The following SHANK1 variants were observed in gnomAD, a reference collection of about 807,000 sequenced individuals.
The protein encoded by SHANK1 is SH3 and multiple ankyrin repeat domains 1, also known as SH3 and multiple ankyrin repeat domains protein 1.
Under a neutral mutation model 165.6 loss-of-function variants are expected in SHANK1, and 35 were observed. That is an observed-to-expected ratio of 0.21 (90% CI 0.16 to 0.28). SHANK1 has a LOEUF of 0.28. Among genes scored for constraint, SHANK1 ranks in the 10% least tolerant of loss-of-function variants. SHANK1 has a pLI of 1.00. For missense variants in SHANK1, 2,681 were observed against 3,036.4 expected, an observed-to-expected ratio of 0.88 and a Z score of 2.75; for synonymous variants, 1,428 against 1,384.8, an observed-to-expected ratio of 1.03 and a Z score of -0.69.
chr19:50,667,592 C>A lies in SHANK1; in HGVS notation c.4368G>T (p.Gly1456=), dbSNP rs987429008. Residue 1456 remains glycine (G), a synonymous_variant, in exon 23 of 24, where the codon GGG becomes GGT. Coordinates refer to ENST00000293441, the MANE Select transcript of SHANK1 (RefSeq NM_016148.5). The surrounding 1 kb of genome is among the most constrained non-coding windows in gnomAD (Gnocchi z 5.7). ...HRLPPTAPGV[G]PLLLQLGTEP... ...CCGTCCCCAGCTGCAGCAGGAGGGG[C>A]CCCACCCCGGGAGCGGTGGGCGGCA... 7.0e-7 allele frequency: 1 copy of A among 1,438,730 alleles called. No individual in the cohort carries two copies. Among genetic ancestry groups the A allele is most frequent in the Non-Finnish European group, 9.0e-7 (1 of 1,107,728 alleles). 89.1% of individuals were successfully genotyped at this position (1,438,730 alleles called of 1,614,324 possible). A position where few individuals can be genotyped will look rare whatever the true frequency, so the allele number is the denominator to read the frequency against.
intron 15 of SHANK1, among the ~76,000 whole-genome samples, chr19:50,691,263 G>T (rs1220110866): frequency 6.6e-6 from 1 of 152,088 alleles, no homozygotes; most frequent in African/African-American, 2.4e-5. Context: ...TTGGCTCAGA[G>T]GTCAGAGCTG....
At position 50,660,410 on chromosome 19, in the gene SHANK1, T is replaced by A. The variant is rs1488914093; in HGVS notation, c.*1555A>T. On this transcript the variant is annotated 3_prime_UTR_variant, in exon 24 of 24. Coordinates refer to ENST00000293441, the MANE Select transcript of SHANK1 (RefSeq NM_016148.5). ...AGGGAGAGGCTCGAGTGTGGAAGCA[T>A]GGTGAGCAGGAAGCCAGTGTGCATA... Among the ~76,000 whole-genome samples, 1 of 151,458 alleles carries A rather than the reference T, an allele frequency of 6.6e-6. No individual in the cohort carries two copies. Among genetic ancestry groups the A allele is most frequent in the African/African-American group, 2.4e-5 (1 of 41,172 alleles).
intron 12 of SHANK1, among the ~76,000 whole-genome samples, chr19:50,701,082 C>G (rs1214000400): frequency 6.6e-6 from 1 of 152,058 alleles, no homozygotes; most frequent in Non-Finnish European, 1.5e-5. Context: ...GAATACCCTT[C>G]AAGGCCTCAC....
chr19:50,684,338 G>A (rs529654027), intron 21 of SHANK1, among the ~76,000 whole-genome samples: 11 of 152,008 alleles, frequency 7.2e-5, no homozygotes, highest in South Asian at 2.1e-4. Flanking sequence ...CGATTCTCTC[G>A]CCTCAGCCTC....
At chr19:50,689,846 G>A (rs1986487026) in intron 15 of SHANK1, among the ~76,000 whole-genome samples, 1 of 152,280 alleles carries the variant, frequency 6.6e-6, no homozygotes, top group East Asian at 1.9e-4. Flanking sequence ...CATGTACTTT[G>A]ATGATACCCC....
chr19:50,699,315 T>C (rs1023037429), intron 12 of SHANK1, among the ~76,000 whole-genome samples: 10 of 152,240 alleles, frequency 6.6e-5, no homozygotes, highest in African/African-American at 2.4e-4. Context: ...ATCAATGTTG[T>C]TCCTTCCTTT....
chr19:50,718,723 TGGAGGCGGAG>T lies in SHANK1; in HGVS notation c.-44+673_-44+682del, dbSNP rs1302960121. Among the ~76,000 whole-genome samples, 1 of 73,032 alleles carries T rather than the reference TGGAGGCGGAG, an allele frequency of 1.4e-5. No homozygotes were observed. The highest frequency in any genetic ancestry group is 2.7e-5 in the Non-Finnish European group (1 of 36,398). 47.9% of individuals were successfully genotyped at this position (73,032 alleles called of 152,430 possible). ...CGAGAGCGGGGCCGGGGAGAATGAA[TGGAGGCGGAG>T]GGAGGCGGGGAGGGGCGGGGAGAGA... On this transcript the variant is annotated intron_variant, in intron 1 of 23. Transcript: ENST00000293441. The surrounding 1 kb of genome is among the most constrained non-coding windows in gnomAD (Gnocchi z 5.1).
rs1351470199 is a variant in SHANK1, at chr19:50,668,240, G to A, written c.3720C>T (p.Ala1240=). 1 of 1,465,492 alleles carries A rather than the reference G, an allele frequency of 6.8e-7. No individual in the cohort carries two copies. The highest frequency in any genetic ancestry group is 8.9e-7 in the Non-Finnish European group (1 of 1,123,378). The allele number at this position is 1,465,492 out of a possible 1,614,324, so 90.8% of individuals were successfully genotyped here. A position where few individuals can be genotyped will look rare whatever the true frequency, so the allele number is the denominator to read the frequency against. The change falls in exon 23 of 24, where the codon GCC becomes GCT. Residue 1240 remains alanine, a synonymous_variant. Coordinates refer to ENST00000293441, the MANE Select transcript of SHANK1 (RefSeq NM_016148.5). The part of the protein sequence containing the change: ...SQFGAALVGA[A]RREGGWQNEA... ...CATTCTGCCAGCCCCCCTCCCTCCG[G>A]GCCGCCCCCACCAGGGCGGCCCCGA...
At position 50,668,273 on chromosome 19, in the gene SHANK1, C is replaced by T; in HGVS notation, c.3687G>A (p.Thr1229=). The T allele has an allele frequency of 2.9e-6, 4 of 1,388,318 alleles. No homozygotes were observed. The highest frequency in any genetic ancestry group is 3.7e-6 in the Non-Finnish European group (4 of 1,083,972). The allele number at this position is 1,388,318 out of a possible 1,614,324, so 86.0% of individuals were successfully genotyped here. ...CCACCAGGGCGGCCCCGAACTGGCT[C>T]GTGAAGTCCAGCGTGGCCGGGCCGC... ...SPSGPATLDF[T]SQFGAALVGA... Residue 1229 remains threonine, a synonymous_variant, in exon 23 of 24, where the codon ACG becomes ACA. Transcript: ENST00000293441.
In SHANK1 at chr19:50,662,461, C is replaced by T. The variant is rs779905112; in HGVS notation, c.5990G>A (p.Arg1997Gln). 1.0e-5 allele frequency: 16 copies of T among 1,548,922 alleles called. No homozygotes were observed. Among genetic ancestry groups the T allele is most frequent in the Admixed American group, 1.9e-5 (1 of 51,296 alleles). The part of the protein sequence containing the change: ...EFEMRPPLLR[R>Q]APSPSLLPAS... ...GGGCAGCAGCGAGGGGCTGGGGGCCCGGCGGAGCAGAGGGGGCCGCATCTC... is the reference window on the plus strand; with the variant it reads ...GGGCAGCAGCGAGGGGCTGGGGGCCTGGCGGAGCAGAGGGGGCCGCATCTC... Residue 1997 changes from arginine to glutamine, a missense_variant, in exon 24 of 24, where the codon CGG (arginine) becomes CAG (glutamine). Coordinates refer to ENST00000293441, the MANE Select transcript of SHANK1 (RefSeq NM_016148.5). The surrounding 1 kb of genome is among the most constrained non-coding windows in gnomAD (Gnocchi z 7.7).
chr19:50,703,846 G>A lies in SHANK1; in HGVS notation c.1223-16C>T, dbSNP rs773818380. 12 of 1,250,630 alleles carry A rather than the reference G, an allele frequency of 9.6e-6. No individual in the cohort carries two copies. The East Asian group carries it at 2.8e-4, about 30-fold the overall frequency. 77.5% of individuals were successfully genotyped at this position (1,250,630 alleles called of 1,614,324 possible). Reference sequence around the variant, plus strand: ...TGGAAGGGCACTGAGAGGGCACAGTGGCGGCGGGGGGCAGATGTTAGGGGA... The same window carrying A: ...TGGAAGGGCACTGAGAGGGCACAGTAGCGGCGGGGGGCAGATGTTAGGGGA... On this transcript the variant is annotated splice_polypyrimidine_tract_variant and intron_variant, in intron 10 of 23. Coordinates refer to ENST00000293441, the MANE Select transcript of SHANK1 (RefSeq NM_016148.5).
In SHANK1 at chr19:50,669,301, G is replaced by GT; in HGVS notation, c.2675-17_2675-16insA. ...TCTGCCGCACCTGGGGAGATACAGA[G>GT]GCTCAAGGAGGGGGACCCTGGCGGG... is the stretch of plus-strand genomic sequence containing the variant. On this transcript the variant is annotated splice_polypyrimidine_tract_variant and intron_variant, in intron 22 of 23. Transcript: ENST00000293441. 1 of 1,580,318 alleles carries GT rather than the reference G, an allele frequency of 6.3e-7. No individual in the cohort carries two copies. Among genetic ancestry groups the GT allele is most frequent in the Non-Finnish European group, 8.7e-7 (1 of 1,155,174 alleles).
At chr19:50,673,663 G>A (rs1020960926) in intron 21 of SHANK1, among the ~76,000 whole-genome samples, 2 of 152,038 alleles carry the variant, frequency 1.3e-5, no homozygotes, top group East Asian at 1.9e-4. Flanking sequence ...ATGTATCCCA[G>A]GCATCGCACC....
chr19:50,714,396 C>T (rs367721258), intron 4 of SHANK1, 106 bp from the exon 5 acceptor site: 21 of 925,596 alleles, frequency 2.3e-5, no homozygotes, highest in Middle Eastern at 2.2e-4. Flanking sequence ...GAGTCACATA[C>T]GCCATTGAAA....
chr19:50,715,585 G>A (rs944753525), intron 4 of SHANK1, 74 bp downstream of exon 4: 1 of 1,305,902 alleles, frequency 7.7e-7, no homozygotes, highest in South Asian at 1.2e-5. Flanking sequence ...AAGAGGTGGG[G>A]AGAGAAAGTG....
chr19:50,683,476 G>A (rs1053628113), intron 21 of SHANK1, among the ~76,000 whole-genome samples: 5 of 152,158 alleles, frequency 3.3e-5, no homozygotes. Context: ...CTGGCCACCA[G>A]TGCTCTAACT....
chr19:50,683,424 G>A (rs1986236194), intron 21 of SHANK1, among the ~76,000 whole-genome samples: 2 of 152,192 alleles, frequency 1.3e-5, no homozygotes, highest in Admixed American at 6.5e-5. Flanking sequence ...GTTGAAGGAT[G>A]CCTTATTTAA....
Position 50,703,722 on chromosome 19 carries a change from G to A in SHANK1, c.1331C>T (p.Ala444Val), listed in dbSNP as rs770467094. 2.2e-5 allele frequency: 32 copies of A among 1,452,670 alleles called. No individual in the cohort carries two copies. The highest frequency in any genetic ancestry group is 5.6e-5 in the South Asian group (4 of 71,284). The allele number at this position is 1,452,670 out of a possible 1,614,324, so 90.0% of individuals were successfully genotyped here. ...GGAGAACACCATCCAGTCGGGCAGC[G>A]CCATGCTGGTGTCACTGTTGGCCCG... ...LLRANSDTSMALPDWMVFSAP... is the reference protein window; with the variant it reads ...LLRANSDTSMVLPDWMVFSAP... The change falls in exon 11 of 24, where the codon GCG (alanine) becomes GTG (valine). Residue 444 changes from alanine to valine, a missense_variant. This residue lies in a region of SHANK1 where 5 missense variants were observed against 21.1 expected (regional missense o/e 0.24). Transcript: ENST00000293441.
At chr19:50,701,137 GC>G (rs1254845240) in intron 12 of SHANK1, among the ~76,000 whole-genome samples, 3 of 151,546 alleles carry the variant, frequency 2.0e-5, no homozygotes, top group African/African-American at 7.3e-5. Flanking sequence ...TTATTCAGGG[GC>G]CCAGGTCTCT....
Sources: allele counts gnomAD v4.1 joint callset (sites outside exome capture counted in the v4.1 genomes callset), GRCh38; gene constraint gnomAD v4.1.1; regional missense constraint gnomAD v4.1.1; non-coding constraint Gnocchi (gnomAD v3.1); transcripts MANE v1.5; gene names NCBI Gene and HGNC (gene_info 2026-07-23, HGNC 2026-07-21).